PLEKHM3: variants seen among roughly 807,000 people sequenced by gnomAD.
PLEKHM3 encodes pleckstrin homology domain-containing family M member 3.
PLEKHM3 carries 45 observed loss-of-function variants against 81.8 expected under a neutral mutation model. The ratio of observed to expected loss-of-function variants is 0.55; its 90% confidence interval spans 0.43 to 0.71. The LOEUF is 0.71. Among genes scored for constraint, PLEKHM3 ranks in the 30% least tolerant of loss-of-function variants. PLEKHM3 has a pLI of 0.00. For missense variants in PLEKHM3, 788 were observed against 924.3 expected (o/e 0.85, Z 1.91); for synonymous variants, 352 against 356.4 (o/e 0.99, Z 0.14).
rs1416571804 is a variant in PLEKHM3 at position 207,976,699 on chromosome 2, T to C, written c.1498A>G (p.Thr500Ala). The C allele has an allele frequency of 1.2e-6, 2 of 1,614,170 alleles. No homozygotes were observed. Among genetic ancestry groups the C allele is most frequent in the East Asian group, 2.2e-5 (1 of 44,882 alleles). The stretch of plus-strand genomic sequence containing the variant: ...GTGAGTCCTCGTTCCAAAGACAAAG[T>C]CGTCAAAATGCTCAGGAAGCTGGTA... ...VTTSFLSILT[T>A]LSLERGLTAQ... The change falls in exon 3 of 8, where the codon ACT (threonine) becomes GCT (alanine). Residue 500 changes from threonine to alanine, a missense_variant. Transcript: ENST00000427836. This position sits in a 1 kb window ranked among gnomAD's most constrained non-coding sequence, Gnocchi z 4.1.
At position 207,976,549 on chromosome 2, in the gene PLEKHM3, A is replaced by T; in HGVS notation, c.1546+102T>A. ...GAGAGATACTTTTTATAAACAGGAG[A>T]TAGCTGTGACTAGCCTATTAAGGGG... On this transcript the variant is annotated intron_variant, in intron 3 of 7. Coordinates refer to ENST00000427836, the MANE Select transcript of PLEKHM3 (RefSeq NM_001080475.3). This position sits in a 1 kb window ranked among gnomAD's most constrained non-coding sequence, Gnocchi z 4.1. 2 of 1,106,284 alleles carry T rather than the reference A, an allele frequency of 1.8e-6. No homozygotes were observed. Among genetic ancestry groups the T allele is most frequent in the Non-Finnish European group, 2.6e-6 (2 of 783,196 alleles). 68.5% of individuals were successfully genotyped at this position (1,106,284 alleles called of 1,614,324 possible).
At chr2:207,849,407 G>A (rs2092400826) in intron 7 of PLEKHM3, among the ~76,000 whole-genome samples, 1 of 152,160 alleles carries the variant, frequency 6.6e-6, no homozygotes, top group African/African-American at 2.4e-5. Flanking sequence ...AGATTTTGGT[G>A]TTAATAAGTT....
intron 3 of PLEKHM3, among the ~76,000 whole-genome samples, chr2:207,949,228 C>T (rs948179491): frequency 6.6e-6 from 1 of 152,176 alleles, no homozygotes; most frequent in African/African-American, 2.4e-5. Flanking sequence ...ATTCTAAGAA[C>T]TATATATTAC....
intron 7 of PLEKHM3, among the ~76,000 whole-genome samples, chr2:207,840,920 C>G (rs897058891): frequency 6.6e-6 from 1 of 150,532 alleles, no homozygotes; most frequent in African/African-American, 2.4e-5. Flanking sequence ...CATGCCTTAG[C>G]CTCTCAGGTG....
chr2:207,962,400 G>A (rs1243768708), intron 3 of PLEKHM3, among the ~76,000 whole-genome samples: 7 of 152,186 alleles, frequency 4.6e-5, no homozygotes, highest in Non-Finnish European at 1.0e-4. Context: ...GCACAGAAGT[G>A]CTGCATTTAT....
In PLEKHM3 at chr2:207,827,980, G is replaced by A. The variant is rs984003590; in HGVS notation, c.*339C>T. On this transcript the variant is annotated 3_prime_UTR_variant, in exon 8 of 8. Coordinates refer to ENST00000427836, the MANE Select transcript of PLEKHM3 (RefSeq NM_001080475.3). The stretch of plus-strand genomic sequence containing the variant: ...TGTGTCTTGGGTAATAAAATGTACC[G>A]AGAGACAGAGAGAAAAAAAAAGTCT... The A allele has an allele frequency of 1.1e-4, 17 of 161,044 alleles. No homozygotes were observed. Among genetic ancestry groups the A allele is most frequent in the Non-Finnish European group, 2.1e-4 (16 of 74,454 alleles). 10.0% of individuals were successfully genotyped at this position (161,044 alleles called of 1,614,324 possible). A position where few individuals can be genotyped will look rare whatever the true frequency, so the allele number is the denominator to read the frequency against.
At chr2:207,849,100 G>T (rs572672922) in intron 7 of PLEKHM3, among the ~76,000 whole-genome samples, 16 of 152,258 alleles carry the variant, frequency 1.1e-4, no homozygotes, top group Admixed American at 4.6e-4. Flanking sequence ...TTTGGAGGCC[G>T]AGGCGGGCGG....
intron 3 of PLEKHM3, among the ~76,000 whole-genome samples, chr2:207,956,304 C>T (rs1010430817): frequency 6.6e-6 from 1 of 151,676 alleles, no homozygotes; most frequent in Non-Finnish European, 1.5e-5. Flanking sequence ...ATCTATACTA[C>T]AAATACACAC....
intron 7 of PLEKHM3, among the ~76,000 whole-genome samples, chr2:207,852,992 G>A (rs1003212427): frequency 2.0e-5 from 3 of 152,064 alleles, no homozygotes; most frequent in Non-Finnish European, 2.9e-5. Context: ...GGTCCACCCC[G>A]CTACTGTGCT....
intron 7 of PLEKHM3, among the ~76,000 whole-genome samples, chr2:207,858,201 T>C (rs1301478219): frequency 6.9e-6 from 1 of 144,300 alleles, no homozygotes; most frequent in Non-Finnish European, 1.5e-5. Context: ...TGAGATGAAG[T>C]CTCACTCTGT....
At chr2:207,992,452 A>T (rs899674972) in intron 2 of PLEKHM3, among the ~76,000 whole-genome samples, 14 of 152,348 alleles carry the variant, frequency 9.2e-5, no homozygotes, top group African/African-American at 3.4e-4. Flanking sequence ...AACAAACTTC[A>T]TTCAACTTGA....
intron 6 of PLEKHM3, among the ~76,000 whole-genome samples, chr2:207,895,230 G>A (rs923013497): frequency 3.3e-5 from 5 of 152,158 alleles, no homozygotes; most frequent in Non-Finnish European, 7.3e-5. Context: ...TAAAATGAGA[G>A]TGAACCAGGC....
intron 2 of PLEKHM3, among the ~76,000 whole-genome samples, chr2:208,000,083 A>G (rs976835545): frequency 6.6e-6 from 1 of 152,240 alleles, no homozygotes; most frequent in Non-Finnish European, 1.5e-5. Context: ...TGTGTCTCAC[A>G]GAAGAGCAAG....
chr2:208,000,981 C>T (rs1291146447), intron 2 of PLEKHM3, 49 bp downstream of exon 2: 2 of 1,398,520 alleles, frequency 1.4e-6, no homozygotes, highest in South Asian at 1.6e-5. Flanking sequence ...AGTCACAGCC[C>T]CAAAAAGAAA....
chr2:207,912,785 G>A (rs1399705403), intron 5 of PLEKHM3, among the ~76,000 whole-genome samples: 1 of 152,166 alleles, frequency 6.6e-6, no homozygotes, highest in Non-Finnish European at 1.5e-5. Flanking sequence ...TCTGCTTAGA[G>A]GTAAGGGTTT....
chr2:207,908,378 C>T (rs1688690854), intron 6 of PLEKHM3, 136 bp downstream of exon 6: 1 of 823,202 alleles, frequency 1.2e-6, no homozygotes, highest in Non-Finnish European at 2.0e-6. Context: ...GTTTTCCCCC[C>T]ATTCTGAAAA....
intron 3 of PLEKHM3, among the ~76,000 whole-genome samples, chr2:207,973,883 C>G (rs1691211391): frequency 6.6e-6 from 1 of 152,136 alleles, no homozygotes; most frequent in Non-Finnish European, 1.5e-5. Context: ...GCTTTTCTTT[C>G]TTTTCTTTTT....
intron 7 of PLEKHM3, among the ~76,000 whole-genome samples, chr2:207,857,799 T>C (rs1207533232): frequency 2.6e-5 from 4 of 152,006 alleles, no homozygotes; most frequent in Admixed American, 6.6e-5. Flanking sequence ...ACTCAACTTG[T>C]GATTTTTCTG....
At chr2:207,838,067 C>T (rs944862740) in intron 7 of PLEKHM3, among the ~76,000 whole-genome samples, 12 of 151,840 alleles carry the variant, frequency 7.9e-5, no homozygotes, top group African/African-American at 2.7e-4. Context: ...CCACCGCGCC[C>T]GGCCTCGAGT....
Sources: allele counts gnomAD v4.1 joint callset (sites outside exome capture counted in the v4.1 genomes callset), GRCh38; gene constraint gnomAD v4.1.1; non-coding constraint Gnocchi (gnomAD v3.1); transcripts MANE v1.5; gene names NCBI Gene and HGNC (gene_info 2026-07-23, HGNC 2026-07-21).